The following AARS1 variants were observed in gnomAD, a reference collection of about 807,000 sequenced individuals.
AARS1 encodes the protein alanyl-tRNA synthetase 1.
Under a neutral mutation model 108.9 loss-of-function variants are expected in AARS1, and 72 were observed. That is an observed-to-expected ratio of 0.66 (90% CI 0.55 to 0.80). The LOEUF is 0.80. Ranked by LOEUF, AARS1 falls within the 30% of genes least tolerant of loss-of-function variation. The pLI is 0.00. For synonymous variants in AARS1, 489 were observed against 465.7 expected (o/e 1.05, Z -0.64); for missense variants, 1,193 against 1,233.2 (o/e 0.97, Z 0.49).
intron 4 of AARS1, among the ~76,000 whole-genome samples, chr16:70,275,814 G>A (rs1174053737): frequency 1.3e-5 from 2 of 151,028 alleles, no homozygotes; most frequent in African/African-American, 4.9e-5. Flanking sequence ...GCAGGCATCT[G>A]CAGTCCCAGC....
intron 3 of AARS1, 68 bp from the exon 4 acceptor site, chr16:70,276,699 A>T: frequency 5.9e-6 from 9 of 1,526,256 alleles, no homozygotes; most frequent in Non-Finnish European, 8.1e-6. Context: ...ATGAGACCAG[A>T]TGCTAGGAAC....
rs371712914 is a variant in AARS1 at position 70,253,789 on chromosome 16, C to A, written c.2532G>T (p.Lys844Asn). 1.2e-6 allele frequency: 2 copies of A among 1,614,224 alleles called. No homozygotes were observed. Among genetic ancestry groups the A allele is most frequent in the East Asian group, 2.2e-5 (1 of 44,888 alleles). Residue 844 changes from lysine (K) to asparagine (N), a missense_variant, in exon 19 of 21, where the codon AAG becomes AAT. Coordinates refer to ENST00000261772, the MANE Select transcript of AARS1 (RefSeq NM_001605.3). ...KADVQKRVLE[K>N]TKQFIDSNPN... ...GGTTGCTGTCGATGAACTGCTTCGT[C>A]TTCTCTAACACCTGCAAGAAAAAAG...
intron 15 of AARS1, 95 bp from the exon 16 acceptor site, chr16:70,255,931 GAC>G (rs1456749471): frequency 6.9e-6 from 8 of 1,153,716 alleles, no homozygotes; most frequent in Non-Finnish European, 1.0e-5. Flanking sequence ...GGAATGGGTT[GAC>G]AGTCAGGGAA....
intron 13 of AARS1, among the ~76,000 whole-genome samples, chr16:70,259,426 C>T (rs1960081564): frequency 6.6e-6 from 1 of 152,268 alleles, no homozygotes; most frequent in Middle Eastern, 3.4e-3. Flanking sequence ...CATTTCTTTT[C>T]CACCGCCTAG....
At position 70,258,975 on chromosome 16, in the gene AARS1, C is replaced by T. The variant is rs1064796467; in HGVS notation, c.1992+5G>A. 8 of 1,614,124 alleles carry T rather than the reference C, an allele frequency of 5.0e-6. No individual in the cohort carries two copies. Among genetic ancestry groups the T allele is most frequent in the Non-Finnish European group, 6.8e-6 (8 of 1,180,014 alleles). On this transcript the variant is annotated splice_donor_5th_base_variant and intron_variant, in intron 14 of 20. Coordinates refer to ENST00000261772, the MANE Select transcript of AARS1 (RefSeq NM_001605.3). ...GGGGGGGCATTCAGCCGTCGCCCAT[C>T]CTACCTTGGCTGCCTCAATCATCTC...
At chr16:70,279,277 G>A (rs1960630923) in intron 2 of AARS1, among the ~76,000 whole-genome samples, 1 of 150,200 alleles carries the variant, frequency 6.7e-6, no homozygotes, top group African/African-American at 2.5e-5. Flanking sequence ...CTTGAACCTG[G>A]GAGGCAGAGG....
At chr16:70,287,324 A>T (rs1434234806) in intron 1 of AARS1, among the ~76,000 whole-genome samples, 1 of 146,968 alleles carries the variant, frequency 6.8e-6, no homozygotes, top group East Asian at 2.0e-4. Flanking sequence ...GCTACTTGGG[A>T]GGCTGAGTCA....
intron 2 of AARS1, among the ~76,000 whole-genome samples, chr16:70,280,016 T>C (rs1260161219): frequency 6.6e-6 from 1 of 151,958 alleles, no homozygotes; most frequent in Non-Finnish European, 1.5e-5. Context: ...CCCAAGAGGC[T>C]GGAACTACAG....
At chr16:70,263,520 G>C (rs1221109991) in intron 11 of AARS1, among the ~76,000 whole-genome samples, 1 of 151,122 alleles carries the variant, frequency 6.6e-6, no homozygotes, top group Non-Finnish European at 1.5e-5. Context: ...GCAGTGAGCC[G>C]AGAATGCGCC....
chr16:70,282,008 T>C (rs775208), intron 2 of AARS1, among the ~76,000 whole-genome samples: 90,060 of 151,826 alleles, frequency 0.59, 28,239 homozygotes, highest in African/African-American at 0.8. Context: ...AAAAATTAGC[T>C]GTACTTGGTG....
intron 9 of AARS1, 148 bp downstream of exon 9, chr16:70,267,511 T>C (rs147396062): frequency 2.1e-6 from 2 of 972,938 alleles, no homozygotes; most frequent in East Asian, 5.2e-5. Context: ...CATTTTACTA[T>C]AAATTCCAGT....
At chr16:70,280,887 G>T (rs772520575) in intron 2 of AARS1, among the ~76,000 whole-genome samples, 7 of 152,088 alleles carry the variant, frequency 4.6e-5, no homozygotes, top group Non-Finnish European at 7.3e-5. Flanking sequence ...AAGTGCAGTG[G>T]TATGATCAGG....
At chr16:70,263,413 A>G (rs1229594697) in intron 11 of AARS1, among the ~76,000 whole-genome samples, 2 of 151,972 alleles carry the variant, frequency 1.3e-5, no homozygotes, top group Admixed American at 1.3e-4. Context: ...GTCCACTACA[A>G]TACAAAAATT....
At chr16:70,277,448 C>T (rs1055918795) in intron 2 of AARS1, among the ~76,000 whole-genome samples, 1 of 152,110 alleles carries the variant, frequency 6.6e-6, no homozygotes, top group Admixed American at 6.6e-5. Flanking sequence ...TGTGGTAAAA[C>T]GTGGGCTTCT....
At position 70,264,887 on chromosome 16, in the gene AARS1, G is replaced by A. The variant is rs531250585; in HGVS notation, c.1492+71C>T. ...CAGTCTGCTGGAGAGCTAATCTTGA[G>A]AAACAATCTTTCAAATACCCCCCAG... On this transcript the variant is annotated intron_variant, in intron 11 of 20. Transcript: ENST00000261772. 57 of 1,598,826 alleles carry A rather than the reference G, an allele frequency of 3.6e-5. No homozygotes were observed. In the East Asian group the frequency reaches 7.4e-4, roughly 21 times the overall value.
intron 2 of AARS1, among the ~76,000 whole-genome samples, chr16:70,280,990 G>T (rs1047103931): frequency 4.4e-4 from 67 of 152,124 alleles, no homozygotes; most frequent in Non-Finnish European, 8.5e-4. Context: ...ACCACACCTG[G>T]CTAATTTTTT....
intron 5 of AARS1, among the ~76,000 whole-genome samples, chr16:70,271,204 C>T (rs1156363827): frequency 6.6e-6 from 1 of 151,322 alleles, no homozygotes; most frequent in Non-Finnish European, 1.5e-5. Flanking sequence ...AAAAACAAAA[C>T]TGAGGCAAGC....
At chr16:70,275,397 C>T (rs920170663) in intron 4 of AARS1, among the ~76,000 whole-genome samples, 5 of 151,634 alleles carry the variant, frequency 3.3e-5, no homozygotes, top group Non-Finnish European at 5.9e-5. Flanking sequence ...GGGCAGATCA[C>T]GAGGTCAGGA....
intron 16 of AARS1, 63 bp from the exon 17 acceptor site, chr16:70,254,797 C>G: frequency 8.6e-7 from 1 of 1,156,616 alleles, no homozygotes; most frequent in East Asian, 2.4e-5. Context: ...TATCCTGTGT[C>G]TGAGCAGCTG....
Sources: allele counts gnomAD v4.1 joint callset (sites outside exome capture counted in the v4.1 genomes callset), GRCh38; gene constraint gnomAD v4.1.1; transcripts MANE v1.5; gene names NCBI Gene and HGNC (gene_info 2026-07-23, HGNC 2026-07-21).